Variants in SLC45A4 observed in about 807,000 individuals in gnomAD.
SLC45A4 encodes solute carrier family 45 member 4, also known as polyamine-transporter SLC45A4.
A neutral mutation model predicts 63.7 loss-of-function variants in SLC45A4; 32 were observed. That is an observed-to-expected ratio of 0.50 (90% CI 0.38 to 0.67). The LOEUF (loss-of-function observed/expected upper bound fraction) is 0.67. Ranked by LOEUF, SLC45A4 falls within the 30% of genes least tolerant of loss-of-function variation. The pLI is 0.00. For synonymous variants in SLC45A4, 535 were observed against 510.0 expected (o/e 1.05, Z -0.66); for missense variants, 1,027 against 1,157.7 (o/e 0.89, Z 1.64).
At chr8:141,255,161 T>C (rs1173508688) in intron 1 of SLC45A4, among the ~76,000 whole-genome samples, 2 of 152,164 alleles carry the variant, frequency 1.3e-5, no homozygotes, top group East Asian at 1.9e-4. Flanking sequence ...CACACGACCA[T>C]GGCTCTCTGC....
rs1361218494 is a variant in SLC45A4, at chr8:141,221,520, C to T, written c.430+57G>A. 2.6e-6 allele frequency: 4 copies of T among 1,555,234 alleles called. No homozygotes were observed. In the South Asian group the frequency reaches 3.6e-5, roughly 14 times the overall value. ...TTCAGCTTTTAATGAGAGGAGCTAC[C>T]CAGGGCCAGGACCCCGTCTGTGTTG... On this transcript the variant is annotated intron_variant, in intron 3 of 8. Transcript: ENST00000517878.
chr8:141,272,767 G>C (rs1051174546), intron 1 of SLC45A4, among the ~76,000 whole-genome samples: 4 of 152,046 alleles, frequency 2.6e-5, no homozygotes, highest in Non-Finnish European at 5.9e-5. Context: ...CTGGAGCCGA[G>C]TTCCAACAGG....
At chr8:141,281,041 A>T (rs1048360081) in intron 1 of SLC45A4, among the ~76,000 whole-genome samples, 1 of 152,244 alleles carries the variant, frequency 6.6e-6, no homozygotes, top group African/African-American at 2.4e-5. Flanking sequence ...AGACTTTAAA[A>T]GTCTGAATCA....
In SLC45A4 at chr8:141,215,791, C is replaced by G. The variant is rs748305535; in HGVS notation, c.1909G>C (p.Ala637Pro). Residue 637 changes from alanine to proline, a missense_variant, in exon 7 of 9, where the codon GCC becomes CCC. Physicochemically the swap from Ala to Pro is conservative, Grantham distance 27. Coordinates refer to ENST00000517878, the MANE Select transcript of SLC45A4 (RefSeq NM_001286646.2). The surrounding 1 kb of genome is among the most constrained non-coding windows in gnomAD (Gnocchi z 4.3). ...VSMSISYCPYALLGQYHDIKQ... is the reference protein window; with the variant it reads ...VSMSISYCPYPLLGQYHDIKQ... The stretch of plus-strand genomic sequence containing the variant: ...ATGTCATGGTACTGGCCCAGCAGGG[C>G]GTACGGGCAGTAGGAGATGCTCATG... 1 of 1,613,720 alleles carries G rather than the reference C, an allele frequency of 6.2e-7. No homozygotes were observed. The highest frequency in any genetic ancestry group is 1.3e-5 in the African/African-American group (1 of 74,894).
chr8:141,260,853 G>A (rs1589826484), intron 1 of SLC45A4, among the ~76,000 whole-genome samples: 1 of 152,282 alleles, frequency 6.6e-6, no homozygotes, highest in East Asian at 1.9e-4. Context: ...GAAAAAGAGG[G>A]AATCCTCCCT....
intron 2 of SLC45A4, among the ~76,000 whole-genome samples, chr8:141,222,754 C>T (rs1388740682): frequency 1.3e-5 from 2 of 152,256 alleles, no homozygotes; most frequent in African/African-American, 2.4e-5. Flanking sequence ...GCACCTCTGA[C>T]GCCTGTCGTG....
intron 1 of SLC45A4, among the ~76,000 whole-genome samples, chr8:141,291,818 A>G (rs939011575): frequency 2.0e-5 from 3 of 152,202 alleles, no homozygotes; most frequent in Non-Finnish European, 2.9e-5. Context: ...GCATTTTGAA[A>G]AGTAACCCAG....
chr8:141,270,180 C>T (rs1015723234), intron 1 of SLC45A4, among the ~76,000 whole-genome samples: 8 of 151,942 alleles, frequency 5.3e-5, no homozygotes, highest in South Asian at 2.1e-4. Context: ...TTAAAAGAAA[C>T]GAATCCCTAA....
Position 141,218,740 on chromosome 8 carries a change from C to T in SLC45A4, c.900G>A (p.Val300=), listed in dbSNP as rs142678673. 5.1e-5 allele frequency: 82 copies of T among 1,612,752 alleles called. No homozygotes were observed. Among genetic ancestry groups the T allele is most frequent in the African/African-American group, 4.3e-4 (32 of 74,912 alleles). ...EHELALDYPD[V]DIMRSKSDSA... is the part of the protein sequence containing the mutation. ...AGTCGCTTTTGCTGCGCATGATGTC[C>T]ACGTCCGGGTAGTCCAGGGCCAGCT... The change falls in exon 5 of 9, where the codon GTG becomes GTA. Residue 300 remains valine (V), a synonymous_variant. Coordinates refer to ENST00000517878, the MANE Select transcript of SLC45A4 (RefSeq NM_001286646.2).
intron 1 of SLC45A4, among the ~76,000 whole-genome samples, chr8:141,307,530 G>T (rs1830935187): frequency 6.8e-6 from 1 of 146,262 alleles, no homozygotes; most frequent in Non-Finnish European, 1.5e-5. Flanking sequence ...AGGGGAAGAA[G>T]GGAAGGGGAA....
intron 1 of SLC45A4, among the ~76,000 whole-genome samples, chr8:141,277,059 G>T (rs1353658259): frequency 6.6e-6 from 1 of 152,242 alleles, no homozygotes; most frequent in Admixed American, 6.5e-5. Flanking sequence ...TTGGACACCT[G>T]CGAGCCAGGC....
chr8:141,216,794 C>T (rs1159241093), intron 6 of SLC45A4, among the ~76,000 whole-genome samples: 1 of 152,190 alleles, frequency 6.6e-6, no homozygotes, highest in East Asian at 1.9e-4. Context: ...CCAGGGACAG[C>T]GTGTCTGGAG....
intron 1 of SLC45A4, among the ~76,000 whole-genome samples, chr8:141,261,903 C>A (rs909363167): frequency 1.3e-5 from 2 of 152,182 alleles, no homozygotes; most frequent in Non-Finnish European, 1.5e-5. Flanking sequence ...CAATAAAGAG[C>A]CTGCATCGCA....
chr8:141,220,619 C>T lies in SLC45A4; in HGVS notation c.431-790G>A, dbSNP rs527659343. 2.0e-5 allele frequency among the ~76,000 whole-genome samples: 3 copies of T among 152,362 alleles called. No homozygotes were observed. In the South Asian group the frequency reaches 6.2e-4, roughly 32 times the overall value. ...GGAATTGCGGGCCAGAGCCCGGGAC[C>T]CAGGCCTGAACACAGACACACCTGT... On this transcript the variant is annotated intron_variant, in intron 3 of 8. Transcript: ENST00000517878.
At chr8:141,222,680 CT>C (rs1396629089) in intron 2 of SLC45A4, among the ~76,000 whole-genome samples, 3 of 152,240 alleles carry the variant, frequency 2.0e-5, no homozygotes, top group African/African-American at 7.2e-5. Flanking sequence ...GAGCGGCCGC[CT>C]TGTGCAGCCG....
In SLC45A4 at chr8:141,254,115, T is replaced by C. The variant is rs1449143286; in HGVS notation, c.115A>G (p.Ile39Val). ...ATTCGGTCTATGGACCCCTCGCTGA[T>C]GGTCTCGCAGTTCTCGGCCTCTGCG... ...GGAEAENCET[I>V]SEGSIDRIPM... Residue 39 changes from isoleucine to valine, a missense_variant, in exon 2 of 9, where the codon ATC becomes GTC. Physicochemically the swap from Ile to Val is conservative, Grantham distance 29 (BLOSUM62 3). Coordinates refer to ENST00000517878, the MANE Select transcript of SLC45A4 (RefSeq NM_001286646.2). This position sits in a 1 kb window ranked among gnomAD's most constrained non-coding sequence, Gnocchi z 4.5. 1.3e-6 allele frequency: 2 copies of C among 1,536,182 alleles called. No homozygotes were observed. Among genetic ancestry groups the C allele is most frequent in the Non-Finnish European group, 1.7e-6 (2 of 1,146,916 alleles).
At chr8:141,236,808 G>C (rs1185178074) in intron 2 of SLC45A4, among the ~76,000 whole-genome samples, 3 of 152,206 alleles carry the variant, frequency 2.0e-5, no homozygotes, top group Non-Finnish European at 2.9e-5. Flanking sequence ...ATTCCCTTGA[G>C]AACAGTGCGC....
chr8:141,297,318 G>C (rs1014572612), intron 1 of SLC45A4, among the ~76,000 whole-genome samples: 1 of 152,178 alleles, frequency 6.6e-6, no homozygotes, highest in Non-Finnish European at 1.5e-5. Context: ...GTGGATGCTG[G>C]CGGGGGAGGT....
chr8:141,224,002 G>GTTT lies in SLC45A4; in HGVS notation c.242-2240_242-2238dup, dbSNP rs71322119. Among the ~76,000 whole-genome samples the GTTT allele has an allele frequency of 1.7e-3, 241 of 145,302 alleles. 1 individual carries two copies. Among genetic ancestry groups the GTTT allele is most frequent in the Admixed American group, 2.5e-3 (37 of 14,590 alleles). On this transcript the variant is annotated intron_variant, in intron 2 of 8. Coordinates refer to ENST00000517878, the MANE Select transcript of SLC45A4 (RefSeq NM_001286646.2). The stretch of plus-strand genomic sequence containing the variant: ...GCTTAATCCTGAAGGATTTTCTGTA[G>GTTT]TTTTTTTTTTTTTTAGCATTTCTAA...
Sources: gnomAD v4.1 joint callset for allele counts (sites outside exome capture counted in the v4.1 genomes callset) on GRCh38, gnomAD v4.1.1 for gene constraint, Gnocchi (gnomAD v3.1) non-coding constraint, MANE v1.5 for transcripts, NCBI Gene and HGNC (gene_info 2026-07-23, HGNC 2026-07-21) for gene names.